The following SLC6A11 variants were observed in gnomAD, a reference collection of about 807,000 sequenced individuals.
SLC6A11 encodes solute carrier family 6 member 11.
Under a neutral mutation model 74.8 loss-of-function variants are expected in SLC6A11, and 25 were observed. The observed-to-expected ratio is 0.33, with a 90% CI of 0.24 to 0.47. The LOEUF is 0.47. Ranked by LOEUF, SLC6A11 falls within the 20% of genes least tolerant of loss-of-function variation. The probability of loss-of-function intolerance (pLI) is 1.00; values close to 1 mark genes in which losing one functional copy is unlikely to be tolerated. For synonymous variants in SLC6A11, 330 were observed against 330.2 expected (o/e 1.00, Z 0.01); for missense variants, 574 against 837.0 (o/e 0.69, Z 3.88).
At chr3:10,821,389 T>A (rs1694136210) in intron 3 of SLC6A11, among the ~76,000 whole-genome samples, 1 of 152,246 alleles carries the variant, frequency 6.6e-6, no homozygotes, top group Non-Finnish European at 1.5e-5. Context: ...CAGAAAGGTT[T>A]AATTCATAGA....
chr3:10,891,775 G>T (rs181538817), intron 6 of SLC6A11, among the ~76,000 whole-genome samples: 11 of 152,268 alleles, frequency 7.2e-5, no homozygotes, highest in Non-Finnish European at 1.6e-4. Context: ...GAGTCTATTT[G>T]CTCATCTATG....
At chr3:10,835,895 G>A (rs1485517967) in intron 4 of SLC6A11, among the ~76,000 whole-genome samples, 2 of 152,188 alleles carry the variant, frequency 1.3e-5, no homozygotes, top group Non-Finnish European at 2.9e-5. Flanking sequence ...TAGTTTACAT[G>A]CCATAAAATG....
intron 5 of SLC6A11, among the ~76,000 whole-genome samples, chr3:10,859,792 G>A (rs770041437): frequency 6.6e-6 from 1 of 152,064 alleles, no homozygotes; most frequent in African/African-American, 2.4e-5. Context: ...TGTACCAGAA[G>A]GTACATAATG....
At chr3:10,843,053 G>A (rs1694458239) in intron 4 of SLC6A11, among the ~76,000 whole-genome samples, 1 of 152,134 alleles carries the variant, frequency 6.6e-6, no homozygotes. Context: ...ATGGGGGTTG[G>A]TTTGGCAGCC....
At chr3:10,824,088 T>C (rs1245734761) in intron 4 of SLC6A11, 1 of 152,678 alleles carries the variant, frequency 6.5e-6, no homozygotes, top group Non-Finnish European at 1.5e-5. Flanking sequence ...CTTACAGGGC[T>C]GCTATGTGTG....
intron 4 of SLC6A11, among the ~76,000 whole-genome samples, chr3:10,830,683 A>G (rs368176255): frequency 7.9e-5 from 12 of 152,314 alleles, no homozygotes; most frequent in African/African-American, 2.9e-4. Flanking sequence ...TGGAGGTCCC[A>G]GGAGCTACAG....
chr3:10,851,128 C>T (rs990529233), intron 5 of SLC6A11, among the ~76,000 whole-genome samples: 2 of 152,000 alleles, frequency 1.3e-5, no homozygotes, highest in Non-Finnish European at 1.5e-5. Flanking sequence ...CCAGCTGGCT[C>T]CTGTTCCTTG....
Position 10,820,040 on chromosome 3 carries a change from G to A in SLC6A11, c.532+188G>A, listed in dbSNP as rs186606160. 6.4e-4 allele frequency among the ~76,000 whole-genome samples: 97 copies of A among 152,348 alleles called. 1 individual carries two copies. The highest frequency in any genetic ancestry group is 2.2e-3 in the African/African-American group (91 of 41,586). On this transcript the variant is annotated intron_variant, in intron 3 of 13. Coordinates refer to ENST00000254488, the MANE Select transcript of SLC6A11 (RefSeq NM_014229.3). ...ACGTTCTGTGAGTTGCAGCCCTAAAGCCTGAGCTGAGCATTGGCCCAGAGA... is the reference window on the plus strand; with the variant it reads ...ACGTTCTGTGAGTTGCAGCCCTAAAACCTGAGCTGAGCATTGGCCCAGAGA...
In SLC6A11 at chr3:10,918,877, A is replaced by G. The variant is rs6779181; in HGVS notation, c.1120+424A>G. Among the ~76,000 whole-genome samples, 15,734 of 151,756 alleles carry G rather than the reference A, an allele frequency of 0.1. 1,163 individuals are homozygous for G. The highest frequency in any genetic ancestry group is 0.21 in the African/African-American group (8,717 of 41,322). Reference sequence around the variant, plus strand: ...AAATTTGAACATGTCTTCTCTGATGAAAAGCCTTTCTTGGCTTCTCATAGT... The same window carrying G: ...AAATTTGAACATGTCTTCTCTGATGGAAAGCCTTTCTTGGCTTCTCATAGT... On this transcript the variant is annotated intron_variant, in intron 8 of 13. Coordinates refer to ENST00000254488, the MANE Select transcript of SLC6A11 (RefSeq NM_014229.3). This position sits in a 1 kb window ranked among gnomAD's most constrained non-coding sequence, Gnocchi z 4.5.
intron 10 of SLC6A11, among the ~76,000 whole-genome samples, chr3:10,931,531 A>G (rs1471879469): frequency 6.6e-6 from 1 of 152,228 alleles, no homozygotes; most frequent in African/African-American, 2.4e-5. Context: ...CAGGCCAGGC[A>G]TGGCCCGCTG....
chr3:10,925,910 G>C, intron 8 of SLC6A11, 94 bp from the exon 9 acceptor site: 1 of 722,202 alleles, frequency 1.4e-6, no homozygotes, highest in Non-Finnish European at 2.5e-6. Flanking sequence ...AGTGCCTGGC[G>C]CAGAGGAGGC....
At chr3:10,905,662 C>T (rs898746542) in intron 6 of SLC6A11, among the ~76,000 whole-genome samples, 4 of 152,142 alleles carry the variant, frequency 2.6e-5, no homozygotes, top group African/African-American at 9.7e-5. Flanking sequence ...CATTTGGAGC[C>T]ATGTTGCATT....
chr3:10,929,223 G>C lies in SLC6A11; in HGVS notation c.1255G>C (p.Val419Leu). 6.2e-7 allele frequency: 1 copy of C among 1,614,136 alleles called. No homozygotes were observed. The highest frequency in any genetic ancestry group is 8.5e-7 in the Non-Finnish European group (1 of 1,180,018). ...CCAGTTTGTGTGTGTGGAAAGCCTG[G>C]TGACCGCCGTGGTGGACATGTACCC... is the stretch of plus-strand genomic sequence containing the variant. ...DSQFVCVESL[V>L]TAVVDMYPKV... The change falls in exon 10 of 14, where the codon GTG (valine) becomes CTG (leucine). Residue 419 changes from valine to leucine, a missense_variant. This residue lies in a region of SLC6A11 where 257 missense variants were observed against 341.5 expected (regional missense o/e 0.75). Transcript: ENST00000254488.
chr3:10,905,567 G>A (rs1040961706), intron 6 of SLC6A11, among the ~76,000 whole-genome samples: 18 of 152,176 alleles, frequency 1.2e-4, no homozygotes, highest in African/African-American at 1.7e-4. Context: ...TTAATACAGA[G>A]TAACCTAGCA....
At chr3:10,922,669 C>T (rs1411582509) in intron 8 of SLC6A11, among the ~76,000 whole-genome samples, 2 of 152,026 alleles carry the variant, frequency 1.3e-5, no homozygotes, top group African/African-American at 4.8e-5. Context: ...TTTTTATTAG[C>T]TCTGAGTCTT....
chr3:10,837,793 T>G (rs938889639), intron 4 of SLC6A11, among the ~76,000 whole-genome samples: 8 of 152,290 alleles, frequency 5.3e-5, no homozygotes, highest in African/African-American at 1.7e-4. Context: ...AGTCCCTGGC[T>G]TGGTTTAGGG....
At chr3:10,870,150 A>T (rs75074976) in intron 5 of SLC6A11, among the ~76,000 whole-genome samples, 2 of 152,092 alleles carry the variant, frequency 1.3e-5, no homozygotes, top group Non-Finnish European at 2.9e-5. Context: ...AGAAGGCTGG[A>T]TCCCTTCCCG....
chr3:10,875,126 A>C, intron 6 of SLC6A11, 31 bp downstream of exon 6: 1 of 1,551,084 alleles, frequency 6.4e-7, no homozygotes, highest in Non-Finnish European at 8.8e-7. Flanking sequence ...GTGCAGCATC[A>C]CCCACCACCA....
intron 5 of SLC6A11, among the ~76,000 whole-genome samples, chr3:10,862,911 T>C (rs1694719867): frequency 6.6e-6 from 1 of 152,244 alleles, no homozygotes; most frequent in Non-Finnish European, 1.5e-5. Context: ...CCTGGCACAC[T>C]GTAGGCTCAG....
Sources: allele counts gnomAD v4.1 joint callset (sites outside exome capture counted in the v4.1 genomes callset), GRCh38; gene constraint gnomAD v4.1.1; regional missense constraint gnomAD v4.1.1; non-coding constraint Gnocchi (gnomAD v3.1); transcripts MANE v1.5; gene names NCBI Gene and HGNC (gene_info 2026-07-23, HGNC 2026-07-21).